Variants in ERVK3-1 observed in about 807,000 individuals in gnomAD.
The protein encoded by ERVK3-1 is endogenous retrovirus group K3 member 1.
At chr19:58,307,089 C>T (rs2051528716) in intron 2 of ERVK3-1, among the ~76,000 whole-genome samples, 1 of 152,264 alleles carries the variant, frequency 6.6e-6, no homozygotes, top group African/African-American at 2.4e-5. Flanking sequence ...TGGGTAGTGA[C>T]TCTTATTCAG....
chr19:58,314,023 C>T (rs977782007), intron 3 of ERVK3-1, among the ~76,000 whole-genome samples: 3 of 152,062 alleles, frequency 2.0e-5, no homozygotes, highest in African/African-American at 4.8e-5. Flanking sequence ...AAATTAATAC[C>T]GAATTACAAA....
chr19:58,314,914 T>A, exon 4 of ERVK3-1: 1 of 394,598 alleles, frequency 2.5e-6, no homozygotes, highest in Non-Finnish European at 4.5e-6. Flanking sequence ...AACAGCAAAC[T>A]GTTCTCATGA....
chr19:58,316,032 CAG>C (rs141056523), downstream of ERVK3-1, among the ~76,000 whole-genome samples: 20 of 152,196 alleles, frequency 1.3e-4, no homozygotes, highest in East Asian at 2.9e-3. Flanking sequence ...AATGTGGAGA[CAG>C]AGAGAGGGTG....
rs181801794 is a variant in ERVK3-1 at position 58,307,432 on chromosome 19, T to G, written c.-4+1216T>G. ...GCCTGTCAGGATGTGGGAACTGAAC[T>G]CCATCGTTCAACTGTGTTAGCTCAA... is the stretch of plus-strand genomic sequence containing the variant. On this transcript the variant is annotated intron_variant, in intron 2 of 3. Transcript: ENST00000413518. Among the ~76,000 whole-genome samples the G allele has an allele frequency of 1.1e-4, 16 of 152,320 alleles. No homozygotes were observed. In the East Asian group the frequency reaches 2.9e-3, roughly 28 times the overall value.
At chr19:58,316,147 C>A (rs1374388769), downstream of ERVK3-1, among the ~76,000 whole-genome samples, 2 of 152,096 alleles carry the variant, frequency 1.3e-5, no homozygotes, top group East Asian at 3.9e-4. Context: ...AACCAGATAT[C>A]CCTCTAAAAC....
chr19:58,313,328 C>T lies in ERVK3-1; in HGVS notation c.294+866C>T, dbSNP rs971323079. On this transcript the variant is annotated intron_variant, in intron 3 of 3. Transcript: ENST00000413518. This position sits in a 1 kb window ranked among gnomAD's most constrained non-coding sequence, Gnocchi z 4.5. ...TTGAGATGGAGTCTCACTCTGTCGC[C>T]CAGGCTGGAGTGCAGTGGCGCAATC... is the stretch of plus-strand genomic sequence containing the variant. Among the ~76,000 whole-genome samples, 11 of 152,062 alleles carry T rather than the reference C, an allele frequency of 7.2e-5. No individual in the cohort carries two copies. The highest frequency in any genetic ancestry group is 2.7e-4 in the African/African-American group (11 of 41,408).
downstream of ERVK3-1, among the ~76,000 whole-genome samples, chr19:58,316,509 A>G (rs2051593644): frequency 6.6e-6 from 1 of 152,194 alleles, no homozygotes; most frequent in African/African-American, 2.4e-5. Flanking sequence ...GTCTCTACTA[A>G]AAATACAAAA....
At chr19:58,308,066 A>T (rs2051535605) in intron 2 of ERVK3-1, among the ~76,000 whole-genome samples, 1 of 152,254 alleles carries the variant, frequency 6.6e-6, no homozygotes, top group African/African-American at 2.4e-5. Flanking sequence ...GAGAAATTCA[A>T]GTAATTGTAA....
intron 2 of ERVK3-1, chr19:58,311,165 T>A (rs954650821): frequency 6.6e-6 from 1 of 152,532 alleles, no homozygotes; most frequent in East Asian, 1.9e-4. Context: ...CTGGTATAAC[T>A]ATTCTTGTTT....
chr19:58,307,853 C>T (rs1247836883), intron 2 of ERVK3-1, among the ~76,000 whole-genome samples: 1 of 152,200 alleles, frequency 6.6e-6, no homozygotes, highest in African/African-American at 2.4e-5. Flanking sequence ...GACTCCCTCT[C>T]CTCTGGAACA....
intron 2 of ERVK3-1, among the ~76,000 whole-genome samples, chr19:58,306,855 T>C (rs1016686275): frequency 7.4e-6 from 1 of 134,720 alleles, no homozygotes; most frequent in South Asian, 2.1e-4. Flanking sequence ...AATTAAAAGC[T>C]AGTGTGGTTA....
exon 4 of ERVK3-1, chr19:58,315,656 T>C (rs2051588223): frequency 6.6e-6 from 1 of 152,244 alleles, no homozygotes; most frequent in Non-Finnish European, 1.5e-5. Flanking sequence ...AAAATTCATG[T>C]ACAGGTGTTT....
At chr19:58,311,699 C>G (rs1600472030) in intron 2 of ERVK3-1, 2 of 152,546 alleles carry the variant, frequency 1.3e-5, no homozygotes, top group Admixed American at 1.3e-4. Flanking sequence ...ACATGCCAAA[C>G]TGGGGAAACA....
chr19:58,307,154 C>T (rs956916675), intron 2 of ERVK3-1, among the ~76,000 whole-genome samples: 5 of 152,200 alleles, frequency 3.3e-5, no homozygotes, highest in African/African-American at 7.2e-5. Flanking sequence ...TGCGCCTGGC[C>T]GCTAAGCGTG....
intron 2 of ERVK3-1, among the ~76,000 whole-genome samples, chr19:58,307,123 C>G (rs1027973250): frequency 6.6e-6 from 1 of 152,252 alleles, no homozygotes; most frequent in Non-Finnish European, 1.5e-5. Flanking sequence ...ATTGACACTT[C>G]CAGATGCTGC....
intron 2 of ERVK3-1, among the ~76,000 whole-genome samples, chr19:58,307,595 C>A (rs1231592279): frequency 6.7e-6 from 1 of 148,408 alleles, no homozygotes; most frequent in Admixed American, 6.6e-5. Context: ...AGGGATCTTA[C>A]AATGCAATAC....
rs547258925 is a variant in ERVK3-1 at position 58,312,779 on chromosome 19, G to A, written c.294+317G>A. 3.9e-5 allele frequency among the ~76,000 whole-genome samples: 6 copies of A among 152,142 alleles called. No individual in the cohort carries two copies. The highest frequency in any genetic ancestry group is 2.1e-4 in the South Asian group (1 of 4,828). On this transcript the variant is annotated intron_variant, in intron 3 of 3. Transcript: ENST00000413518. This position sits in a 1 kb window ranked among gnomAD's most constrained non-coding sequence, Gnocchi z 4.7. ...CCTCAGCTTTATTAATGTTACTGGC[G>A]TGTTCACCAATCACTCCTAGCCCCA...
chr19:58,310,952 C>A lies in ERVK3-1; in HGVS notation c.-3-1214C>A, dbSNP rs552873309. On this transcript the variant is annotated intron_variant, in intron 2 of 3. Coordinates refer to ENST00000413518, the Ensembl canonical transcript of ERVK3-1. This position sits in a 1 kb window ranked among gnomAD's most constrained non-coding sequence, Gnocchi z 4.7. ...ACTAGACCAAGGAGCCCTCTGGTGG[C>A]CCTGTCTGGGCATAACAGAAGGCTC... 9.0e-4 allele frequency: 266 copies of A among 295,874 alleles called. No homozygotes were observed. Among genetic ancestry groups the A allele is most frequent in the African/African-American group, 5.4e-3 (243 of 45,336 alleles). The allele number at this position is 295,874 out of a possible 1,614,324, so 18.3% of individuals were successfully genotyped here.
intron 2 of ERVK3-1, chr19:58,309,677 C>CA (rs1157784854): frequency 6.6e-6 from 1 of 152,244 alleles, no homozygotes; most frequent in African/African-American, 2.4e-5. Context: ...CCCCATTCTC[C>CA]ATCAGGACTT....
Sources: allele counts gnomAD v4.1 joint callset (sites outside exome capture counted in the v4.1 genomes callset), GRCh38; gene constraint gnomAD v4.1.1; non-coding constraint Gnocchi (gnomAD v3.1); transcripts MANE v1.5; gene names NCBI Gene and HGNC (gene_info 2026-07-23, HGNC 2026-07-21).